The following PTPRO variants were observed in gnomAD, a reference collection of about 807,000 sequenced individuals.
PTPRO encodes receptor-type tyrosine-protein phosphatase O.
PTPRO carries 62 observed loss-of-function variants against 145.2 expected under a neutral mutation model. The ratio of observed to expected loss-of-function variants is 0.43; its 90% CI spans 0.35 to 0.53. PTPRO has a LOEUF of 0.53. Among genes scored for constraint, PTPRO ranks in the 20% least tolerant of loss-of-function variants. The pLI, the probability that PTPRO is intolerant of heterozygous loss-of-function variation, is 0.01. For synonymous variants in PTPRO, 565 were observed against 514.7 expected, an observed-to-expected ratio of 1.10 and a Z score of -1.32; for missense variants, 1,345 against 1,482.7, an observed-to-expected ratio of 0.91 and a Z score of 1.53.
At chr12:15,528,724 G>C (rs961393073) in intron 12 of PTPRO, among the ~76,000 whole-genome samples, 11 of 151,908 alleles carry the variant, frequency 7.2e-5, no homozygotes, top group Non-Finnish European at 1.5e-4. Flanking sequence ...ACCCCAAAGC[G>C]TATAATACTC....
chr12:15,533,574 T>C (rs1943005777), intron 12 of PTPRO, among the ~76,000 whole-genome samples: 1 of 152,192 alleles, frequency 6.6e-6, no homozygotes, highest in Non-Finnish European at 1.5e-5. Context: ...AGTTAATATT[T>C]AATCGGAACA....
chr12:15,420,962 C>T (rs1193922119), intron 1 of PTPRO, among the ~76,000 whole-genome samples: 2 of 152,162 alleles, frequency 1.3e-5, no homozygotes, highest in Non-Finnish European at 2.9e-5. Flanking sequence ...TTTTTAAACA[C>T]TTTAATAAAA....
At chr12:15,578,715 G>C in intron 19 of PTPRO, 138 bp from the exon 20 acceptor site, 2 of 703,336 alleles carry the variant, frequency 2.8e-6, no homozygotes, top group Non-Finnish European at 5.2e-6. Context: ...GATGATAGTG[G>C]GGTGGAGTAC....
chr12:15,555,641 T>G (rs187442996), intron 15 of PTPRO, among the ~76,000 whole-genome samples: 11 of 152,338 alleles, frequency 7.2e-5, no homozygotes, highest in Non-Finnish European at 1.3e-4. Flanking sequence ...GTGGTATTTC[T>G]GAGCATTTTT....
intron 1 of PTPRO, among the ~76,000 whole-genome samples, chr12:15,396,785 C>T (rs1939353486): frequency 6.6e-6 from 1 of 152,270 alleles, no homozygotes; most frequent in African/African-American, 2.4e-5. Context: ...ATTTACTCCT[C>T]TTAATATAGT....
intron 1 of PTPRO, among the ~76,000 whole-genome samples, chr12:15,479,300 T>A (rs1273181033): frequency 6.6e-6 from 1 of 152,082 alleles, no homozygotes; most frequent in African/African-American, 2.4e-5. Flanking sequence ...AACATGGAAT[T>A]GGAAGCTCTG....
intron 1 of PTPRO, among the ~76,000 whole-genome samples, chr12:15,381,565 TA>T (rs896251107): frequency 6.6e-6 from 1 of 151,968 alleles, no homozygotes; most frequent in Non-Finnish European, 1.5e-5. Flanking sequence ...ACTGTTGCTT[TA>T]AAAAAAATTA....
At chr12:15,361,438 C>CAA (rs71042244) in intron 1 of PTPRO, among the ~76,000 whole-genome samples, 84 of 71,182 alleles carry the variant, frequency 1.2e-3, no homozygotes, top group African/African-American at 3.4e-3. Flanking sequence ...GACTCAGTCT[C>CAA]AAAAAAAAAA....
At chr12:15,409,337 G>A (rs1178378888) in intron 1 of PTPRO, among the ~76,000 whole-genome samples, 1 of 152,130 alleles carries the variant, frequency 6.6e-6, no homozygotes, top group East Asian at 1.9e-4. Flanking sequence ...GCTGAGAAAC[G>A]TGGGTTTATG....
chr12:15,433,900 G>T (rs971647043), intron 1 of PTPRO, among the ~76,000 whole-genome samples: 1 of 152,104 alleles, frequency 6.6e-6, no homozygotes, highest in Non-Finnish European at 1.5e-5. Context: ...GAAAAATGCC[G>T]TTGGTAGTTA....
chr12:15,562,107 T>C (rs1943788430), intron 17 of PTPRO, among the ~76,000 whole-genome samples: 1 of 152,146 alleles, frequency 6.6e-6, no homozygotes, highest in African/African-American at 2.4e-5. Context: ...AGCTGCATGC[T>C]TTCTGTAACT....
intron 1 of PTPRO, among the ~76,000 whole-genome samples, chr12:15,377,985 T>C (rs1938738341): frequency 6.6e-6 from 1 of 152,052 alleles, no homozygotes; most frequent in Non-Finnish European, 1.5e-5. Context: ...TTACAAGATA[T>C]AGCTAAAATA....
intron 1 of PTPRO, among the ~76,000 whole-genome samples, chr12:15,351,967 T>C (rs938595191): frequency 2.0e-5 from 3 of 152,150 alleles, no homozygotes; most frequent in Non-Finnish European, 4.4e-5. Context: ...ACCAAGAAGA[T>C]AGGCAGGAAG....
At chr12:15,568,782 T>C (rs7980465) in intron 18 of PTPRO, among the ~76,000 whole-genome samples, 79 of 152,290 alleles carry the variant, frequency 5.2e-4, no homozygotes, top group African/African-American at 1.9e-3. Flanking sequence ...TTTATAGATA[T>C]GCAAGCCTCT....
chr12:15,462,034 C>T (rs1398884433), intron 1 of PTPRO, among the ~76,000 whole-genome samples: 2 of 152,170 alleles, frequency 1.3e-5, no homozygotes, highest in Non-Finnish European at 2.9e-5. Context: ...GTGCTATGCT[C>T]ATCTTCTGTC....
chr12:15,514,354 A>G (rs1942528836), intron 7 of PTPRO, among the ~76,000 whole-genome samples: 1 of 149,534 alleles, frequency 6.7e-6, no homozygotes, highest in Non-Finnish European at 1.5e-5. Flanking sequence ...CAGGAGCCTG[A>G]GGCAGGAGAA....
Position 15,481,558 on chromosome 12 carries a change from C to T in PTPRO, c.76-2416C>T, listed in dbSNP as rs139162228. Reference sequence around the variant, plus strand: ...ATTACAGAAATCTGCCTAGGATCAACCACATGAAAAGCACTTAGCATATGC... The same window carrying T: ...ATTACAGAAATCTGCCTAGGATCAATCACATGAAAAGCACTTAGCATATGC... On this transcript the variant is annotated intron_variant, in intron 1 of 26. Coordinates refer to ENST00000281171, the MANE Select transcript of PTPRO (RefSeq NM_030667.3). Among the ~76,000 whole-genome samples, 742 of 152,212 alleles carry T rather than the reference C, an allele frequency of 4.9e-3. 1 individual carries two copies. The highest frequency in any genetic ancestry group is 8.6e-3 in the Non-Finnish European group (584 of 68,002).
intron 2 of PTPRO, among the ~76,000 whole-genome samples, chr12:15,486,399 C>A (rs1233781825): frequency 6.6e-6 from 1 of 152,074 alleles, no homozygotes; most frequent in African/African-American, 2.4e-5. Flanking sequence ...CCTAATCCAC[C>A]CTTTTGCTTT....
intron 4 of PTPRO, among the ~76,000 whole-genome samples, chr12:15,500,120 T>TGGAA (rs1240225376): frequency 6.6e-6 from 1 of 151,908 alleles, no homozygotes; most frequent in Non-Finnish European, 1.5e-5. Flanking sequence ...GATGGATGGA[T>TGGAA]GGAATAATGA....
Sources: gnomAD v4.1 joint callset for allele counts (sites outside exome capture counted in the v4.1 genomes callset) on GRCh38, gnomAD v4.1.1 for gene constraint, MANE v1.5 for transcripts, NCBI Gene and HGNC (gene_info 2026-07-23, HGNC 2026-07-21) for gene names.